Variants in CSMD1 observed in about 807,000 individuals in gnomAD.
The protein encoded by CSMD1 is CUB and Sushi multiple domains 1.
CSMD1 carries 213 observed loss-of-function variants against 417.5 expected under a neutral mutation model. The observed-to-expected ratio is 0.51, with a 90% CI of 0.46 to 0.57. The LOEUF is 0.57. CSMD1 is among the 20% of genes least tolerant of loss of function. The pLI is 0.00. For synonymous variants in CSMD1, 2,862 were observed against 1,736.8 expected (o/e 1.65, Z -16.11); for missense variants, 6,923 against 4,529.7 (o/e 1.53, Z -15.17).
intron 1 of CSMD1, among the ~76,000 whole-genome samples, chr8:4,647,539 G>A (rs1214861485): frequency 6.6e-6 from 1 of 151,988 alleles, no homozygotes; most frequent in Non-Finnish European, 1.5e-5. Flanking sequence ...TGCACCTATT[G>A]ACCCCTCCTC....
At chr8:3,035,298 G>A (rs1344000867) in intron 50 of CSMD1, among the ~76,000 whole-genome samples, 5 of 152,126 alleles carry the variant, frequency 3.3e-5, no homozygotes, top group African/African-American at 9.7e-5. Flanking sequence ...GTATGTAATT[G>A]TATATGTAAT....
At chr8:4,127,583 T>A (rs1197139515) in intron 3 of CSMD1, among the ~76,000 whole-genome samples, 1 of 152,076 alleles carries the variant, frequency 6.6e-6, no homozygotes, top group Non-Finnish European at 1.5e-5. Flanking sequence ...GATTTTCTAA[T>A]TGTTTCTACT....
At position 3,899,410 on chromosome 8, in the gene CSMD1, C is replaced by G. The variant is rs118135709; in HGVS notation, c.818+98493G>C. Among the ~76,000 whole-genome samples the G allele has an allele frequency of 4.0e-3, 616 of 152,258 alleles. 9 individuals carry two copies. Among genetic ancestry groups the G allele is most frequent in the East Asian group, 0.037 (194 of 5,186 alleles). On this transcript the variant is annotated intron_variant, in intron 5 of 69. Coordinates refer to ENST00000635120, the MANE Select transcript of CSMD1 (RefSeq NM_033225.6). ...ATGACCCATATGGGTATGCTGATTA[C>G]TTCAACATGTTGGCCACAGGGATTG...
At position 3,998,163 on chromosome 8, in the gene CSMD1, C is replaced by A. The variant is rs535956960; in HGVS notation, c.611-53G>T. On this transcript the variant is annotated intron_variant, in intron 4 of 69. Coordinates refer to ENST00000635120, the MANE Select transcript of CSMD1 (RefSeq NM_033225.6). ...ATCACATTTCAGGATGGTTTTCATA[C>A]ACGAGTGTGTCCACCAAGTGTCACT... The A allele has an allele frequency of 1.3e-4, 188 of 1,463,886 alleles. 1 individual carries two copies. Among genetic ancestry groups the A allele is most frequent in the Non-Finnish European group, 7.5e-5 (80 of 1,073,774 alleles). The allele number at this position is 1,463,886 out of a possible 1,614,324, so 90.7% of individuals were successfully genotyped here.
intron 26 of CSMD1, among the ~76,000 whole-genome samples, chr8:3,279,587 A>G (rs1236949205): frequency 1.3e-5 from 2 of 152,280 alleles, no homozygotes; most frequent in East Asian, 3.9e-4. Context: ...TCTAGGAAGA[A>G]GGGATTATAT....
chr8:3,348,284 T>C (rs966350013), intron 21 of CSMD1, 123 bp from the exon 22 acceptor site: 4 of 683,822 alleles, frequency 5.8e-6, no homozygotes, highest in Middle Eastern at 4.1e-4. Context: ...TAGTAATATA[T>C]TATTTCAAAA....
intron 57 of CSMD1, among the ~76,000 whole-genome samples, chr8:2,968,069 T>C (rs1394354445): frequency 6.6e-6 from 1 of 152,242 alleles, no homozygotes; most frequent in Non-Finnish European, 1.5e-5. Flanking sequence ...TGAGTTGGGA[T>C]GTATTTACCA....
At chr8:4,896,556 C>G (rs896625745) in intron 1 of CSMD1, among the ~76,000 whole-genome samples, 1 of 152,096 alleles carries the variant, frequency 6.6e-6, no homozygotes, top group Non-Finnish European at 1.5e-5. Flanking sequence ...CTTCCTTCAC[C>G]TAACCTTACA....
chr8:3,918,622 G>C (rs898476745), intron 5 of CSMD1, among the ~76,000 whole-genome samples: 4 of 151,966 alleles, frequency 2.6e-5, no homozygotes, highest in South Asian at 4.2e-4. Context: ...TGTGGAACCA[G>C]CATAAATTCC....
chr8:3,513,678 C>T (rs1797171903), intron 10 of CSMD1, among the ~76,000 whole-genome samples: 4 of 152,168 alleles, frequency 2.6e-5, no homozygotes, highest in Admixed American at 2.6e-4. Context: ...CCAGCAGGTC[C>T]ACAAAATATA....
At chr8:4,243,189 TGAG>T (rs1257817367) in intron 3 of CSMD1, among the ~76,000 whole-genome samples, 1 of 152,040 alleles carries the variant, frequency 6.6e-6, no homozygotes, top group African/African-American at 2.4e-5. Context: ...TGCTCTGGGC[TGAG>T]GAGGACATGG....
At chr8:3,760,896 A>T (rs1487260531) in intron 5 of CSMD1, among the ~76,000 whole-genome samples, 1 of 152,050 alleles carries the variant, frequency 6.6e-6, no homozygotes, top group Non-Finnish European at 1.5e-5. Context: ...TAATAAACCT[A>T]TTACTTGGAG....
At chr8:4,508,964 C>A (rs1379642659) in intron 2 of CSMD1, among the ~76,000 whole-genome samples, 1 of 152,160 alleles carries the variant, frequency 6.6e-6, no homozygotes, top group African/African-American at 2.4e-5. Context: ...GCAGCCTGAG[C>A]TTTCCTGCGG....
At chr8:3,486,650 A>G (rs1474021247) in intron 11 of CSMD1, among the ~76,000 whole-genome samples, 1 of 152,180 alleles carries the variant, frequency 6.6e-6, no homozygotes, top group African/African-American at 2.4e-5. Context: ...ATGGAGCACC[A>G]CCTTATTTGC....
At chr8:3,828,189 T>A (rs1802164881) in intron 5 of CSMD1, among the ~76,000 whole-genome samples, 1 of 152,140 alleles carries the variant, frequency 6.6e-6, no homozygotes, top group South Asian at 2.1e-4. Flanking sequence ...TTAACCAGTA[T>A]GCAATCCTTG....
At chr8:3,508,412 C>T (rs568862319) in intron 10 of CSMD1, among the ~76,000 whole-genome samples, 7 of 151,520 alleles carry the variant, frequency 4.6e-5, no homozygotes, top group East Asian at 3.9e-4. Context: ...ATGTAAGTGA[C>T]GAGTTAATGG....
chr8:4,215,505 G>C (rs1800613996), intron 3 of CSMD1, among the ~76,000 whole-genome samples: 1 of 1,610 alleles, frequency 6.2e-4, no homozygotes, highest in African/African-American at 1.5e-3. Context: ...AATACATAGA[G>C]AGTTTTTTTT....
At chr8:3,647,443 A>T (rs1051236491) in intron 7 of CSMD1, among the ~76,000 whole-genome samples, 2 of 152,242 alleles carry the variant, frequency 1.3e-5, no homozygotes, top group East Asian at 3.8e-4. Context: ...AATACAGTAC[A>T]TAGAGAAATA....
At chr8:4,727,975 A>ATG (rs386411935) in intron 1 of CSMD1, among the ~76,000 whole-genome samples, 1 of 140,024 alleles carries the variant, frequency 7.1e-6, no homozygotes, top group Non-Finnish European at 1.5e-5. Context: ...CAAAATATAT[A>ATG]TGTATATATA....
Sources: allele counts gnomAD v4.1 joint callset (sites outside exome capture counted in the v4.1 genomes callset), GRCh38; gene constraint gnomAD v4.1.1; transcripts MANE v1.5; gene names NCBI Gene and HGNC (gene_info 2026-07-23, HGNC 2026-07-21).